ERG: variants seen among roughly 807,000 people sequenced by gnomAD.
The protein encoded by ERG is ETS transcription factor ERG, also known as transcriptional regulator ERG.
In ERG, 9 loss-of-function variants were observed where a neutral mutation model predicts 55.3. The observed-to-expected ratio is 0.16, with a 90% CI of 0.10 to 0.28. The LOEUF is 0.28. Among genes scored for constraint, ERG ranks in the 10% least tolerant of loss-of-function variants. The pLI, the probability that ERG is intolerant of heterozygous loss-of-function variation, is 1.00. For synonymous variants in ERG, 223 were observed against 237.3 expected (o/e 0.94, Z 0.55); for missense variants, 434 against 631.6 (o/e 0.69, Z 3.35).
chr21:38,426,807 G>A lies in ERG; in HGVS notation c.237-3246C>T, dbSNP rs185843934. Among the ~76,000 whole-genome samples the A allele has an allele frequency of 2.2e-3, 341 of 151,912 alleles. 1 individual carries two copies. The highest frequency in any genetic ancestry group is 0.017 in the East Asian group (89 of 5,126). On this transcript the variant is annotated intron_variant, in intron 2 of 9. Transcript: ENST00000288319. Reference sequence around the variant, plus strand: ...TAGCCGGGCGTGGTGGTGCATGCCCGTAATCCCAGCTACTCGGGAGGCTGA... The same window carrying A: ...TAGCCGGGCGTGGTGGTGCATGCCCATAATCCCAGCTACTCGGGAGGCTGA...
At chr21:38,499,956 G>A (rs966256255), upstream of ERG, among the ~76,000 whole-genome samples, 7 of 152,164 alleles carry the variant, frequency 4.6e-5, no homozygotes, top group African/African-American at 1.7e-4. Flanking sequence ...TAAGTTCTCA[G>A]CACCTACATT....
chr21:38,607,622 G>C (rs1245509813), intron 1 of ERG, among the ~76,000 whole-genome samples: 2 of 151,992 alleles, frequency 1.3e-5, no homozygotes, highest in Non-Finnish European at 2.9e-5. Context: ...CTGGGCGACA[G>C]AGCCAGACTC....
At chr21:38,456,493 C>T (rs1276587724) in intron 1 of ERG, among the ~76,000 whole-genome samples, 3 of 151,988 alleles carry the variant, frequency 2.0e-5, no homozygotes, top group Non-Finnish European at 4.4e-5. Context: ...AACAGAAAGT[C>T]TTGTAGAAAC....
At position 38,529,775 on chromosome 21, in the gene ERG, G is replaced by C. The variant is rs560231689; in HGVS notation, c.-41+45887C>G. ...AGGTCAGGAGTTTGAGACCAGCCTG[G>C]CCAACGTGGTGTTACCCCGTCTGTA... On this transcript the variant is annotated intron_variant, in intron 2 of 8. Transcript: ENST00000398897. Among the ~76,000 whole-genome samples, 17 of 152,162 alleles carry C rather than the reference G, an allele frequency of 1.1e-4. No individual in the cohort carries two copies. The South Asian group carries it at 3.3e-3, about 30-fold the overall frequency.
intron 1 of ERG, among the ~76,000 whole-genome samples, chr21:38,627,768 T>C (rs1371498227): frequency 6.6e-6 from 1 of 152,190 alleles, no homozygotes; most frequent in African/African-American, 2.4e-5. Context: ...GACTTTCTTA[T>C]CTGTCTGACA....
chr21:38,462,945 C>T (rs568098564), intron 1 of ERG, among the ~76,000 whole-genome samples: 74 of 152,296 alleles, frequency 4.9e-4, no homozygotes, highest in African/African-American at 1.7e-3. Context: ...CAACCTGTTG[C>T]CAAGCTAACT....
chr21:38,429,186 T>C (rs980407731), intron 2 of ERG, among the ~76,000 whole-genome samples: 5 of 152,144 alleles, frequency 3.3e-5, no homozygotes, highest in African/African-American at 1.2e-4. Flanking sequence ...GGTCTCCAAC[T>C]CCATCCAAGT....
At chr21:38,607,357 G>A (rs1307085778) in intron 1 of ERG, among the ~76,000 whole-genome samples, 3 of 152,156 alleles carry the variant, frequency 2.0e-5, no homozygotes, top group Admixed American at 6.5e-5. Context: ...AAGGTAAACA[G>A]GCTGGGCGTG....
intron 1 of ERG, among the ~76,000 whole-genome samples, chr21:38,643,379 G>T (rs910916323): frequency 6.6e-6 from 1 of 152,138 alleles, no homozygotes; most frequent in Non-Finnish European, 1.5e-5. Context: ...GTGAGCCCAC[G>T]TGCACCCCAT....
chr21:38,624,182 C>T (rs961219033), intron 1 of ERG, among the ~76,000 whole-genome samples: 17 of 152,186 alleles, frequency 1.1e-4, no homozygotes, highest in African/African-American at 3.4e-4. Flanking sequence ...GATCCAGCCT[C>T]GGCAAAGCCC....
At chr21:38,432,527 T>C (rs2146528037) in intron 2 of ERG, among the ~76,000 whole-genome samples, 1 of 152,368 alleles carries the variant, frequency 6.6e-6, no homozygotes, top group East Asian at 1.9e-4. Context: ...CCAACCAGTA[T>C]TTCACTGTTG....
intron 1 of ERG, among the ~76,000 whole-genome samples, chr21:38,656,022 G>C: frequency 6.6e-6 from 1 of 152,056 alleles, no homozygotes; most frequent in Middle Eastern, 3.4e-3. Context: ...TCTTCACCGC[G>C]CCCCCCGCCA....
chr21:38,461,215 C>T (rs1375299531), intron 1 of ERG, among the ~76,000 whole-genome samples: 1 of 152,106 alleles, frequency 6.6e-6, no homozygotes, highest in East Asian at 1.9e-4. Context: ...AGGACTCCCT[C>T]CTTAGCTTGT....
chr21:38,595,962 C>T (rs185604400), intron 1 of ERG, among the ~76,000 whole-genome samples: 240 of 150,920 alleles, frequency 1.6e-3, no homozygotes, highest in African/African-American at 4.5e-3. Flanking sequence ...CAATTAAGTA[C>T]CAGAATTTTC....
chr21:38,473,337 T>A (rs918451302), intron 1 of ERG, among the ~76,000 whole-genome samples: 4 of 152,040 alleles, frequency 2.6e-5, no homozygotes, highest in Non-Finnish European at 5.9e-5. Flanking sequence ...AATTCTTTCC[T>A]TTATCTTGTC....
At chr21:38,415,766 C>A (rs1471845606) in intron 3 of ERG, among the ~76,000 whole-genome samples, 2 of 152,100 alleles carry the variant, frequency 1.3e-5, no homozygotes, top group African/African-American at 4.8e-5. Flanking sequence ...TGAACTTAGA[C>A]CACCAAGAAT....
Position 38,398,665 on chromosome 21 carries a change from C to G in ERG, c.745+1909G>C, listed in dbSNP as rs560993999. The stretch of plus-strand genomic sequence containing the variant: ...AACATCCTCACAGTCACCCTCTTCT[C>G]CATCCACCTGGATGGGCCATACCTT... On this transcript the variant is annotated intron_variant, in intron 6 of 9. Transcript: ENST00000288319. Among the ~76,000 whole-genome samples the G allele has an allele frequency of 2.0e-5, 3 of 152,258 alleles. No individual in the cohort carries two copies. The East Asian group carries it at 5.8e-4, about 29-fold the overall frequency.
At chr21:38,526,193 C>T (rs142331671) in intron 2 of ERG, among the ~76,000 whole-genome samples, 1 of 152,172 alleles carries the variant, frequency 6.6e-6, no homozygotes, top group East Asian at 1.9e-4. Context: ...ACAGGGATTG[C>T]CCATCAAGGA....
rs17194172 is a variant in ERG, at chr21:38,573,937, G to A, written c.-41+1725C>T. 7.5e-3 allele frequency among the ~76,000 whole-genome samples: 1,136 copies of A among 152,262 alleles called. 46 individuals are homozygous for A. The highest frequency in any genetic ancestry group is 0.018 in the East Asian group (95 of 5,184). On this transcript the variant is annotated intron_variant, in intron 2 of 8. Coordinates refer to the ERG transcript ENST00000398897. ...TAGTTCATTCCTGAAATCAAATATA[G>A]AACGTTTCTACCAACACACATTTTC... is the stretch of plus-strand genomic sequence containing the variant.
Sources: gnomAD v4.1 joint callset for allele counts (sites outside exome capture counted in the v4.1 genomes callset) on GRCh38, gnomAD v4.1.1 for gene constraint, MANE v1.5 for transcripts, NCBI Gene and HGNC (gene_info 2026-07-23, HGNC 2026-07-21) for gene names.